Variants in ZGRF1 observed in about 807,000 individuals in gnomAD.
ZGRF1 encodes the protein 5'-3' DNA helicase ZGRF1.
A neutral mutation model predicts 203.5 loss-of-function variants in ZGRF1; 196 were observed. The ratio of observed to expected loss-of-function variants is 0.96; its 90% CI spans 0.86 to 1.08. The LOEUF is 1.08. ZGRF1 is among the 50% of genes least tolerant of loss of function. The probability of loss-of-function intolerance (pLI) is 0.00; values close to 1 mark genes in which losing one functional copy is unlikely to be tolerated. For missense variants in ZGRF1, 2,326 were observed against 2,416.3 expected (o/e 0.96, Z 0.78); for synonymous variants, 809 against 841.3 (o/e 0.96, Z 0.66).
chr4:112,612,488 A>T (rs1403250097), intron 7 of ZGRF1, 36 bp downstream of exon 7: 1 of 1,346,364 alleles, frequency 7.4e-7, no homozygotes, highest in Non-Finnish European at 1.0e-6. Context: ...TCTTATCAAA[A>T]TAAAAAAAAC....
At chr4:112,623,785 A>G (rs1560880960) in intron 4 of ZGRF1, 32 bp downstream of exon 4, 2 of 1,141,530 alleles carry the variant, frequency 1.8e-6, no homozygotes, top group South Asian at 1.4e-5. Flanking sequence ...TTTAAATAAT[A>G]ACTTAAAAAT....
chr4:112,554,899 T>C (rs990682871), intron 20 of ZGRF1, 117 bp from the exon 21 acceptor site: 3 of 509,378 alleles, frequency 5.9e-6, no homozygotes, highest in African/African-American at 3.9e-5. Context: ...TTATAAAATT[T>C]AATGTGAAAT....
chr4:112,551,246 G>C (rs889446997), intron 22 of ZGRF1, among the ~76,000 whole-genome samples: 17 of 152,176 alleles, frequency 1.1e-4, no homozygotes, highest in African/African-American at 4.1e-4. Flanking sequence ...ATACTATGTA[G>C]CCTAGTGTGT....
chr4:112,617,745 T>C lies in ZGRF1; in HGVS notation c.2297A>G (p.Tyr766Cys), dbSNP rs1444782583. ...SNTHISNSLF[Y>C]PLGKKHLISK... is the part of the protein sequence containing the mutation. Reference sequence around the variant, plus strand: ...AATAAGATGCTTTTTTCCCAGTGGGTAAAACAAAGAATTGGAAATGTGGGT... The same window carrying C: ...AATAAGATGCTTTTTTCCCAGTGGGCAAAACAAAGAATTGGAAATGTGGGT... Residue 766 changes from tyrosine to cysteine, a missense_variant, in exon 6 of 28, where the codon TAC becomes TGC. Transcript: ENST00000505019. The C allele has an allele frequency of 6.2e-7, 1 of 1,614,070 alleles. No homozygotes were observed. Among genetic ancestry groups the C allele is most frequent in the Admixed American group, 1.7e-5 (1 of 60,012 alleles).
chr4:112,623,730 A>G, intron 4 of ZGRF1, 87 bp downstream of exon 4: 1 of 698,814 alleles, frequency 1.4e-6, no homozygotes, highest in Admixed American at 2.8e-5. Flanking sequence ...TATTAATATT[A>G]TGACTACACT....
intron 16 of ZGRF1, among the ~76,000 whole-genome samples, chr4:112,566,353 G>C (rs1339776501): frequency 9.3e-6 from 1 of 107,590 alleles, no homozygotes; most frequent in East Asian, 3.3e-4. Flanking sequence ...GGTGGGGGGA[G>C]GGGGGAGGGA....
At chr4:112,584,231 T>C in intron 14 of ZGRF1, 57 bp from the exon 15 acceptor site, 1 of 1,260,632 alleles carries the variant, frequency 7.9e-7, no homozygotes, top group Non-Finnish European at 1.1e-6. Context: ...TATTTTTCGA[T>C]TATTTTTGTG....
intron 7 of ZGRF1, chr4:112,610,724 T>C (rs184787925): frequency 6.5e-6 from 1 of 154,308 alleles, no homozygotes; most frequent in Non-Finnish European, 1.5e-5. Context: ...AAAACATTTA[T>C]TAAAGTGTTA....
intron 9 of ZGRF1, 75 bp downstream of exon 9, chr4:112,605,933 T>A: frequency 1.0e-6 from 1 of 963,328 alleles, no homozygotes; most frequent in South Asian, 1.4e-5. Flanking sequence ...TGATACTTGT[T>A]TTTTTGTTTT....
chr4:112,578,682 A>G, intron 16 of ZGRF1, among the ~76,000 whole-genome samples: 1 of 123,504 alleles, frequency 8.1e-6, no homozygotes, highest in East Asian at 2.4e-4. Context: ...AGAAATGGAT[A>G]AATTCCTCGA....
intron 10 of ZGRF1, among the ~76,000 whole-genome samples, chr4:112,601,635 G>A (rs535167036): frequency 6.6e-6 from 1 of 151,948 alleles, no homozygotes; most frequent in South Asian, 2.1e-4. Context: ...CTACTCGAGA[G>A]TCTGAGGCAG....
intron 8 of ZGRF1, among the ~76,000 whole-genome samples, chr4:112,608,647 CT>C (rs1751124187): frequency 6.6e-6 from 1 of 151,808 alleles, no homozygotes; most frequent in African/African-American, 2.4e-5. Context: ...AAATTTAAAC[CT>C]TATTTTTTCA....
At chr4:112,555,059 C>T (rs993578835) in intron 20 of ZGRF1, among the ~76,000 whole-genome samples, 1 of 152,076 alleles carries the variant, frequency 6.6e-6, no homozygotes, top group South Asian at 2.1e-4. Context: ...AATAAAATTG[C>T]CTCTAAAGAC....
In ZGRF1 at chr4:112,589,797, G is replaced by C; in HGVS notation, c.3054C>G (p.Phe1018Leu). ...GGGACGTCTCAGAGAATTCTACCAT[G>C]AAGTCTTCATCTCTTGAGTTCAAAG... Reference protein sequence around the residue: ...TFSLNSRDEDFMVEFSETSLK... With the variant: ...TFSLNSRDEDLMVEFSETSLK... Residue 1018 changes from phenylalanine to leucine, a missense_variant, in exon 11 of 28, where the codon TTC becomes TTG. Physicochemically the swap from Phe to Leu is conservative, Grantham distance 22. Transcript: ENST00000505019. 1 of 1,613,212 alleles carries C rather than the reference G, an allele frequency of 6.2e-7. No individual in the cohort carries two copies. Among genetic ancestry groups the C allele is most frequent in the Non-Finnish European group, 8.5e-7 (1 of 1,179,332 alleles).
In ZGRF1 at chr4:112,605,806, T is replaced by C. The variant is rs368909035; in HGVS notation, c.2802+202A>G. The stretch of plus-strand genomic sequence containing the variant: ...GTAAACACTGTTATTATTAGCTCAT[T>C]AGTAGTATAGAGAAAGTTTAAGACC... On this transcript the variant is annotated intron_variant, in intron 9 of 27. Coordinates refer to ENST00000505019, the MANE Select transcript of ZGRF1 (RefSeq NM_018392.5). 72 of 534,510 alleles carry C rather than the reference T, an allele frequency of 1.3e-4. No homozygotes were observed. The Middle Eastern group carries it at 1.6e-3, about 12-fold the overall frequency. 33.1% of individuals were successfully genotyped at this position (534,510 alleles called of 1,614,324 possible).
intron 16 of ZGRF1, among the ~76,000 whole-genome samples, chr4:112,566,903 T>C (rs1177074036): frequency 6.6e-6 from 1 of 150,836 alleles, no homozygotes. Flanking sequence ...GGCCTACCCA[T>C]CCATAAGGCA....
At chr4:112,568,795 T>C (rs547126517) in intron 16 of ZGRF1, among the ~76,000 whole-genome samples, 14 of 150,696 alleles carry the variant, frequency 9.3e-5, no homozygotes, top group Non-Finnish European at 1.5e-4. Flanking sequence ...GCGGGCAGAT[T>C]ACAAGGTCAA....
intron 6 of ZGRF1, among the ~76,000 whole-genome samples, chr4:112,613,705 A>C (rs2046772086): frequency 6.6e-6 from 1 of 152,254 alleles, no homozygotes. Context: ...AAAGTTGGCA[A>C]GCCTGCAGAA....
chr4:112,631,993 T>C lies in ZGRF1; in HGVS notation c.39A>G (p.Gln13=), dbSNP rs774737762. Residue 13 remains glutamine (Q), a synonymous_variant, in exon 3 of 28, where the codon CAA becomes CAG. Coordinates refer to ENST00000505019, the MANE Select transcript of ZGRF1 (RefSeq NM_018392.5). The stretch of plus-strand genomic sequence containing the variant: ...GCCACACTTTTGACTTCTTCATCTT[T>C]TGATGAGTATATAGAACCTTATTTC... The part of the protein sequence containing the change: ...SQEFIVLYTH[Q]KMKKSKVWQD... 73 of 1,578,706 alleles carry C rather than the reference T, an allele frequency of 4.6e-5. No homozygotes were observed. The highest frequency in any genetic ancestry group is 6.2e-5 in the Non-Finnish European group (72 of 1,156,628).
Sources: gnomAD v4.1 joint callset for allele counts (sites outside exome capture counted in the v4.1 genomes callset) on GRCh38, gnomAD v4.1.1 for gene constraint, MANE v1.5 for transcripts, NCBI Gene and HGNC (gene_info 2026-07-23, HGNC 2026-07-21) for gene names.